Variants in PTPRD observed in about 807,000 individuals in gnomAD.
PTPRD encodes receptor-type tyrosine-protein phosphatase delta.
Under a neutral mutation model 214.5 loss-of-function variants are expected in PTPRD, and 34 were observed. The observed-to-expected ratio is 0.16, with a 90% CI of 0.12 to 0.21. The LOEUF is 0.21. Ranked by LOEUF, PTPRD falls within the 10% of genes least tolerant of loss-of-function variation. PTPRD has a pLI of 1.00. For missense variants in PTPRD, 2,545 were observed against 2,398.7 expected (o/e 1.06, Z -1.27); for synonymous variants, 1,128 against 845.7 (o/e 1.33, Z -5.79).
At chr9:10,179,255 AAAC>A (rs1338739095) in intron 3 of PTPRD, among the ~76,000 whole-genome samples, 1 of 152,128 alleles carries the variant, frequency 6.6e-6, no homozygotes, top group East Asian at 1.9e-4. Flanking sequence ...GCTTAAAAGA[AAAC>A]AATTAAATTT....
chr9:10,206,163 T>C (rs2099476005), intron 3 of PTPRD, among the ~76,000 whole-genome samples: 1 of 151,946 alleles, frequency 6.6e-6, no homozygotes, highest in African/African-American at 2.4e-5. Context: ...AACAGCATTC[T>C]TGTAAGGAGA....
At chr9:8,618,906 G>T (rs74466470) in intron 14 of PTPRD, among the ~76,000 whole-genome samples, 31 of 96,824 alleles carry the variant, frequency 3.2e-4, no homozygotes, top group African/African-American at 9.4e-4. Flanking sequence ...GTTTGTCTGT[G>T]TTTTTTTGTT....
intron 9 of PTPRD, among the ~76,000 whole-genome samples, chr9:9,276,346 G>A (rs902414115): frequency 6.6e-6 from 1 of 151,346 alleles, no homozygotes; most frequent in Non-Finnish European, 1.5e-5. Context: ...GTAATTACAT[G>A]TTACACTTGG....
At chr9:10,576,089 A>G (rs1450062541) in intron 2 of PTPRD, among the ~76,000 whole-genome samples, 1 of 152,210 alleles carries the variant, frequency 6.6e-6, no homozygotes, top group South Asian at 2.1e-4. Context: ...TCTACTGACA[A>G]TTAACCCAGA....
chr9:9,197,363 T>G (rs1425597498), intron 9 of PTPRD, among the ~76,000 whole-genome samples: 1 of 152,188 alleles, frequency 6.6e-6, no homozygotes, highest in Non-Finnish European at 1.5e-5. Flanking sequence ...GTGGTCGTCT[T>G]CAGCTGGAGT....
chr9:10,419,631 C>T (rs2154515282), intron 2 of PTPRD, among the ~76,000 whole-genome samples: 1 of 151,718 alleles, frequency 6.6e-6, no homozygotes, highest in African/African-American at 2.4e-5. Context: ...CTTTCAATAG[C>T]TTTCTTAATT....
At chr9:8,974,357 G>A (rs368340353) in intron 11 of PTPRD, among the ~76,000 whole-genome samples, 2 of 151,846 alleles carry the variant, frequency 1.3e-5, no homozygotes. Context: ...AAAAATTACA[G>A]TTCTACTAGT....
chr9:8,534,347 T>C (rs1288587007), intron 14 of PTPRD, among the ~76,000 whole-genome samples: 5 of 151,898 alleles, frequency 3.3e-5, no homozygotes, highest in Admixed American at 2.0e-4. Context: ...AATGGAATTC[T>C]TGGTGTTGAA....
At chr9:8,744,914 G>A (rs116037369) in intron 11 of PTPRD, among the ~76,000 whole-genome samples, 155 of 152,232 alleles carry the variant, frequency 1.0e-3, no homozygotes, top group African/African-American at 3.5e-3. Context: ...TAGGTTGTGT[G>A]GGGAAACTAA....
chr9:9,223,733 GACAATGCAAAT>G (rs1488539783), intron 9 of PTPRD, among the ~76,000 whole-genome samples: 11 of 151,914 alleles, frequency 7.2e-5, no homozygotes, highest in African/African-American at 2.7e-4. Context: ...AAAGTGCATT[GACAATGCAAAT>G]CAAATGCACG....
intron 2 of PTPRD, among the ~76,000 whole-genome samples, chr9:10,455,410 A>G (rs1588556973): frequency 6.6e-6 from 1 of 151,872 alleles, no homozygotes; most frequent in East Asian, 1.9e-4. Flanking sequence ...CACCTTATGC[A>G]AAAACGTCTA....
intron 3 of PTPRD, among the ~76,000 whole-genome samples, chr9:10,334,281 T>C (rs993949229): frequency 6.6e-6 from 1 of 151,742 alleles, no homozygotes; most frequent in Non-Finnish European, 1.5e-5. Context: ...ATCACATTGA[T>C]AGAATAAATC....
chr9:10,024,938 T>C (rs2096894307), intron 4 of PTPRD, among the ~76,000 whole-genome samples: 2 of 151,920 alleles, frequency 1.3e-5, no homozygotes, highest in South Asian at 4.2e-4. Flanking sequence ...GCTTCATCCA[T>C]GTCCCTACAA....
chr9:9,918,591 C>A (rs1490058204), intron 5 of PTPRD, among the ~76,000 whole-genome samples: 1 of 151,906 alleles, frequency 6.6e-6, no homozygotes, highest in African/African-American at 2.4e-5. Flanking sequence ...CTTCAAGTAG[C>A]CAAAGCCATC....
intron 35 of PTPRD, among the ~76,000 whole-genome samples, chr9:8,412,917 G>T (rs553613401): frequency 6.6e-6 from 1 of 152,056 alleles, no homozygotes; most frequent in East Asian, 1.9e-4. Context: ...TGACCACTCA[G>T]AAAACTCAGT....
intron 11 of PTPRD, among the ~76,000 whole-genome samples, chr9:8,879,949 T>TGA (rs1419704301): frequency 6.6e-6 from 1 of 152,166 alleles, no homozygotes; most frequent in Non-Finnish European, 1.5e-5. Flanking sequence ...TGGCAGAAAG[T>TGA]GAGCCTTTTT....
At chr9:9,109,044 G>C (rs2099802565) in intron 10 of PTPRD, among the ~76,000 whole-genome samples, 1 of 152,188 alleles carries the variant, frequency 6.6e-6, no homozygotes, top group East Asian at 1.9e-4. Flanking sequence ...CTTTAGGCAA[G>C]AATAAATAAA....
chr9:9,925,719 A>C (rs1467376668), intron 5 of PTPRD, among the ~76,000 whole-genome samples: 5 of 152,056 alleles, frequency 3.3e-5, no homozygotes, highest in African/African-American at 9.7e-5. Context: ...GTCGTGTCTC[A>C]AAAAATTTTC....
intron 5 of PTPRD, among the ~76,000 whole-genome samples, chr9:9,851,000 C>T (rs151148967): frequency 2.2e-3 from 331 of 152,266 alleles, no homozygotes; most frequent in Middle Eastern, 6.8e-3. Context: ...TTGCCACCTG[C>T]TAGCTATGTG....
Sources: gnomAD v4.1 joint callset for allele counts (sites outside exome capture counted in the v4.1 genomes callset) on GRCh38, gnomAD v4.1.1 for gene constraint, MANE v1.5 for transcripts, NCBI Gene and HGNC (gene_info 2026-07-23, HGNC 2026-07-21) for gene names.